CUL4A: variants seen among roughly 807,000 people sequenced by gnomAD.
CUL4A encodes cullin-4A.
Under a neutral mutation model 95.5 loss-of-function variants are expected in CUL4A, and 16 were observed. The ratio of observed to expected loss-of-function variants is 0.17; its 90% CI spans 0.11 to 0.25. The LOEUF is 0.25. Among genes scored for constraint, CUL4A ranks in the 10% least tolerant of loss-of-function variants. CUL4A has a pLI of 1.00. For synonymous variants in CUL4A, 380 were observed against 353.1 expected, an observed-to-expected ratio of 1.08 and a Z score of -0.85; for missense variants, 610 against 937.0, an observed-to-expected ratio of 0.65 and a Z score of 4.56.
rs201136539 is a variant in CUL4A at position 113,244,839 on chromosome 13, C to CAAA, written c.1334-97_1334-95dup. ...TGGGCAACAGAGCAAGACTCTGTCT[C>CAAA]AAAAAAAAAAAAAAACACTTTTAAG... On this transcript the variant is annotated intron_variant, in intron 12 of 19. Transcript: ENST00000375440. 615 of 568,566 alleles carry CAAA rather than the reference C, an allele frequency of 1.1e-3. No individual in the cohort carries two copies. In the East Asian group the frequency reaches 0.011, roughly 11 times the overall value. 35.2% of individuals were successfully genotyped at this position (568,566 alleles called of 1,614,324 possible).
intron 5 of CUL4A, chr13:113,230,130 C>G (rs1428995283): frequency 6.1e-6 from 1 of 163,712 alleles, no homozygotes; most frequent in African/African-American, 2.4e-5. Flanking sequence ...TGTGTCCGGT[C>G]TCACCGTCTG....
chr13:113,243,171 A>G lies in CUL4A; in HGVS notation c.1228+11A>G, dbSNP rs759474438. ...CTGCAGAACTGATCGGTAGAAAAAT[A>G]TTTGTTTTTTTTGTTTGTTTGTTTT... On this transcript the variant is annotated intron_variant, in intron 11 of 19. Transcript: ENST00000375440. 19 of 1,575,536 alleles carry G rather than the reference A, an allele frequency of 1.2e-5. No homozygotes were observed. Among genetic ancestry groups the G allele is most frequent in the Non-Finnish European group, 1.4e-5 (16 of 1,153,638 alleles).
At chr13:113,213,028 G>A (rs935950168) in intron 2 of CUL4A, among the ~76,000 whole-genome samples, 2 of 152,158 alleles carry the variant, frequency 1.3e-5, no homozygotes, top group South Asian at 4.1e-4. Flanking sequence ...GTATAAGAAA[G>A]TGTGCTAAGA....
chr13:113,211,128 C>G (rs1300374310), intron 2 of CUL4A, among the ~76,000 whole-genome samples: 1 of 152,182 alleles, frequency 6.6e-6, no homozygotes, highest in East Asian at 1.9e-4. Context: ...TGCAGTCAGC[C>G]CTCTCCCCTG....
At chr13:113,229,020 C>G (rs940025911) in intron 4 of CUL4A, among the ~76,000 whole-genome samples, 1 of 151,518 alleles carries the variant, frequency 6.6e-6, no homozygotes, top group Non-Finnish European at 1.5e-5. Flanking sequence ...CCCAGCTACT[C>G]GGGAGGCTGA....
At position 113,254,571 on chromosome 13, in the gene CUL4A, G is replaced by A. The variant is rs549976977; in HGVS notation, c.1753-122G>A. ...GATTGTGCCACTGCACTCCAGCCTG[G>A]GTGACAGAGCGAGACTCCTTCTCAA... On this transcript the variant is annotated intron_variant, in intron 16 of 19. Coordinates refer to ENST00000375440, the MANE Select transcript of CUL4A (RefSeq NM_001008895.4). 90 of 621,672 alleles carry A rather than the reference G, an allele frequency of 1.4e-4. No homozygotes were observed. In the African/African-American group the frequency reaches 1.6e-3, roughly 11 times the overall value. The allele number at this position is 621,672 out of a possible 1,614,324, so 38.5% of individuals were successfully genotyped here. A position where few individuals can be genotyped will look rare whatever the true frequency, so the allele number is the denominator to read the frequency against.
At chr13:113,210,120 T>A in intron 2 of CUL4A, 32 bp downstream of exon 2, 1 of 1,382,624 alleles carries the variant, frequency 7.2e-7, no homozygotes, top group Non-Finnish European at 9.6e-7. Context: ...GGGACGCCGC[T>A]CCTGCCCCGC....
intron 3 of CUL4A, among the ~76,000 whole-genome samples, chr13:113,226,215 CCTCT>C (rs1462876943): frequency 1.3e-5 from 2 of 152,206 alleles, no homozygotes; most frequent in African/African-American, 4.8e-5. Flanking sequence ...TGTTTTTCCT[CCTCT>C]CTGTGTGTGA....
intron 15 of CUL4A, among the ~76,000 whole-genome samples, chr13:113,248,758 T>C (rs1363166271): frequency 6.6e-6 from 1 of 152,208 alleles, no homozygotes; most frequent in East Asian, 1.9e-4. Flanking sequence ...TGATTTGTAA[T>C]ACCTAACAAA....
rs1254049397 is a variant in CUL4A at position 113,266,693 on chromosome 13, G to A, written c.*3111G>A. The A allele has an allele frequency of 6.6e-6, 1 of 152,228 alleles. No homozygotes were observed. The highest frequency in any genetic ancestry group is 1.5e-5 in the Non-Finnish European group (1 of 68,046). 9.4% of individuals were successfully genotyped at this position (152,228 alleles called of 1,614,324 possible). ...TCGGCGTGGCACAAAGGGGCCGTGT[G>A]TGATCAGGAACTGGAACTTTGCAAC... On this transcript the variant is annotated 3_prime_UTR_variant, in exon 20 of 20. Coordinates refer to ENST00000375440, the MANE Select transcript of CUL4A (RefSeq NM_001008895.4).
At chr13:113,234,675 T>C (rs1368565177) in intron 7 of CUL4A, among the ~76,000 whole-genome samples, 2 of 152,190 alleles carry the variant, frequency 1.3e-5, no homozygotes, top group Non-Finnish European at 2.9e-5. Flanking sequence ...ACCACCTTGT[T>C]GACTTGCTTT....
intron 6 of CUL4A, 106 bp downstream of exon 6, chr13:113,233,445 G>T: frequency 9.1e-7 from 1 of 1,103,860 alleles, no homozygotes; most frequent in Non-Finnish European, 1.3e-6. Flanking sequence ...AAAGGCATTT[G>T]TTGAAGATAG....
chr13:113,260,836 G>A, intron 19 of CUL4A, 77 bp downstream of exon 19: 1 of 1,148,134 alleles, frequency 8.7e-7, no homozygotes, highest in Middle Eastern at 3.0e-4. Flanking sequence ...TCTATGTTCA[G>A]TCATATCATT....
At chr13:113,227,922 A>G (rs1432123982) in intron 3 of CUL4A, 54 bp from the exon 4 acceptor site, 3 of 1,137,852 alleles carry the variant, frequency 2.6e-6, no homozygotes, top group South Asian at 1.3e-5. Flanking sequence ...AAAAAAAAAA[A>G]GGTAATAATT....
Position 113,243,064 on chromosome 13 carries a change from G to A in CUL4A, c.1132G>A (p.Val378Ile). Reference sequence around the variant, plus strand: ...GGACAAGGTGGACCACGTGATCGAGGTCTGCTTCCAGAAGAATGAGCGGTT... The same window carrying A: ...GGACAAGGTGGACCACGTGATCGAGATCTGCTTCCAGAAGAATGAGCGGTT... Reference protein sequence around the residue: ...FKDKVDHVIEVCFQKNERFVN... With the variant: ...FKDKVDHVIEICFQKNERFVN... Residue 378 changes from valine (V) to isoleucine (I), a missense_variant, in exon 11 of 20, where the codon GTC becomes ATC. Val to Ile is a conservative substitution (Grantham distance 29, BLOSUM62 3). Coordinates refer to ENST00000375440, the MANE Select transcript of CUL4A (RefSeq NM_001008895.4). 6.2e-7 allele frequency: 1 copy of A among 1,614,208 alleles called. No homozygotes were observed. The highest frequency in any genetic ancestry group is 8.5e-7 in the Non-Finnish European group (1 of 1,180,028).
intron 2 of CUL4A, among the ~76,000 whole-genome samples, chr13:113,211,218 A>G (rs1259403937): frequency 6.6e-6 from 1 of 152,256 alleles, no homozygotes; most frequent in African/African-American, 2.4e-5. Context: ...AAATGCAGTC[A>G]TGTATTTCAT....
chr13:113,215,713 GC>G (rs2040646388), intron 2 of CUL4A, among the ~76,000 whole-genome samples: 2 of 137,634 alleles, frequency 1.5e-5, no homozygotes, highest in South Asian at 2.5e-4. Flanking sequence ...TGTGGAGGTC[GC>G]TGTGTGGCTA....
At chr13:113,249,834 C>T (rs998884519) in intron 15 of CUL4A, among the ~76,000 whole-genome samples, 4 of 152,222 alleles carry the variant, frequency 2.6e-5, no homozygotes, top group East Asian at 3.8e-4. Context: ...TTGCATTTCC[C>T]TGATGACTGT....
intron 9 of CUL4A, 79 bp downstream of exon 9, chr13:113,236,969 A>ATGT: frequency 5.3e-6 from 5 of 952,350 alleles, no homozygotes; most frequent in Non-Finnish European, 8.2e-6. Context: ...GGCATTACAA[A>ATGT]TAGCAGTGTT....
Sources: gnomAD v4.1 joint callset for allele counts (sites outside exome capture counted in the v4.1 genomes callset) on GRCh38, gnomAD v4.1.1 for gene constraint, MANE v1.5 for transcripts, NCBI Gene and HGNC (gene_info 2026-07-23, HGNC 2026-07-21) for gene names.